Variants in ZMYM4 observed in about 807,000 individuals in gnomAD.
ZMYM4 encodes the protein zinc finger MYM-type containing 4.
A neutral mutation model predicts 183.2 loss-of-function variants in ZMYM4; 31 were observed. The observed-to-expected ratio is 0.17, with a 90% CI of 0.13 to 0.23. The LOEUF (loss-of-function observed/expected upper bound fraction) is 0.23. Among genes scored for constraint, ZMYM4 ranks in the 10% least tolerant of loss-of-function variants. The pLI, the probability that ZMYM4 is intolerant of heterozygous loss-of-function variation, is 1.00. For missense variants in ZMYM4, 1,273 were observed against 1,840.3 expected (o/e 0.69, Z 5.64); for synonymous variants, 592 against 631.2 (o/e 0.94, Z 0.93).
chr1:35,385,402 G>A (rs1473944878), intron 9 of ZMYM4, 40 bp from the exon 10 acceptor site: 3 of 1,573,808 alleles, frequency 1.9e-6, no homozygotes, highest in African/African-American at 1.4e-5. Context: ...CTTTTACTAG[G>A]AATTTGTTAA....
chr1:35,287,687 C>A (rs539061903), intron 1 of ZMYM4, among the ~76,000 whole-genome samples: 44 of 152,090 alleles, frequency 2.9e-4, no homozygotes, highest in Non-Finnish European at 6.2e-4. Context: ...CTCACTGCAA[C>A]CTCCATCTCC....
chr1:35,351,117 G>T, intron 2 of ZMYM4: 1 of 924,048 alleles, frequency 1.1e-6, no homozygotes. Flanking sequence ...CAATGTGGAA[G>T]GCAATCTTGG....
At chr1:35,377,833 A>G (rs909210789) in intron 7 of ZMYM4, among the ~76,000 whole-genome samples, 11 of 152,168 alleles carry the variant, frequency 7.2e-5, no homozygotes, top group Non-Finnish European at 1.2e-4. Flanking sequence ...TAAGATAACA[A>G]TGAAGTTTGT....
At chr1:35,319,215 A>G (rs1557992143) in intron 1 of ZMYM4, among the ~76,000 whole-genome samples, 1 of 152,190 alleles carries the variant, frequency 6.6e-6, no homozygotes, top group Non-Finnish European at 1.5e-5. Context: ...AAGTGTTTTG[A>G]CAAAAAAAGA....
At chr1:35,406,626 G>C (rs1645007189) in intron 25 of ZMYM4, among the ~76,000 whole-genome samples, 1 of 152,176 alleles carries the variant, frequency 6.6e-6, no homozygotes, top group African/African-American at 2.4e-5. Flanking sequence ...TACAGGGATG[G>C]CAACCCATTT....
At chr1:35,367,061 C>T (rs1393320727) in intron 5 of ZMYM4, among the ~76,000 whole-genome samples, 1 of 151,026 alleles carries the variant, frequency 6.6e-6, no homozygotes, top group East Asian at 1.9e-4. Flanking sequence ...AGATTTGATG[C>T]AATTCTGATG....
chr1:35,374,697 G>T (rs1039946590), intron 7 of ZMYM4, among the ~76,000 whole-genome samples: 11 of 150,118 alleles, frequency 7.3e-5, no homozygotes, highest in Admixed American at 1.3e-4. Context: ...GTCAGTCATA[G>T]ATTTTTTTTT....
chr1:35,346,975 A>G (rs539925799), intron 2 of ZMYM4, among the ~76,000 whole-genome samples: 1 of 152,320 alleles, frequency 6.6e-6, no homozygotes, highest in South Asian at 2.1e-4. Context: ...TAGGCCCTGG[A>G]TAAAATTGTT....
At chr1:35,287,362 A>T (rs1036845974) in intron 1 of ZMYM4, among the ~76,000 whole-genome samples, 1 of 151,334 alleles carries the variant, frequency 6.6e-6, no homozygotes, top group African/African-American at 2.4e-5. Context: ...CCACTGGCTT[A>T]TAGTAGTAGT....
chr1:35,365,888 G>A (rs1644065904), intron 5 of ZMYM4: 1 of 152,118 alleles, frequency 6.6e-6, no homozygotes, highest in South Asian at 2.1e-4. Flanking sequence ...ACATGATTGT[G>A]CCTTGAAGGC....
chr1:35,312,769 G>C (rs1173174146), intron 1 of ZMYM4, among the ~76,000 whole-genome samples: 1 of 142,672 alleles, frequency 7.0e-6, no homozygotes, highest in Non-Finnish European at 1.5e-5. Flanking sequence ...TGCCCAGGCT[G>C]GAGTGCAGTG....
intron 1 of ZMYM4, among the ~76,000 whole-genome samples, chr1:35,290,194 C>T (rs1640693112): frequency 6.6e-6 from 1 of 152,182 alleles, no homozygotes. Flanking sequence ...CCTTGAACTC[C>T]TGACCTCAAG....
intron 7 of ZMYM4, among the ~76,000 whole-genome samples, chr1:35,379,165 A>G (rs896910125): frequency 1.3e-5 from 2 of 152,076 alleles, no homozygotes; most frequent in East Asian, 1.9e-4. Flanking sequence ...CAGTGGCGCA[A>G]TCTCAGGTCA....
chr1:35,419,383 TCA>T lies in ZMYM4; in HGVS notation c.4440-86_4440-85del, dbSNP rs1444014438. ...TTAATTACTTTTAATGGCAAAAACC[TCA>T]GTTTACTTAAGAATAGTACATATTT... On this transcript the variant is annotated intron_variant, in intron 29 of 29. Coordinates refer to ENST00000314607, the MANE Select transcript of ZMYM4 (RefSeq NM_005095.3). 11 of 1,420,256 alleles carry T rather than the reference TCA, an allele frequency of 7.7e-6. No individual in the cohort carries two copies. In the African/African-American group the frequency reaches 1.6e-4, roughly 20 times the overall value. The allele number at this position is 1,420,256 out of a possible 1,614,324, so 88.0% of individuals were successfully genotyped here.
chr1:35,391,778 C>T (rs1181231344), intron 15 of ZMYM4, among the ~76,000 whole-genome samples: 2 of 152,218 alleles, frequency 1.3e-5, no homozygotes, highest in Non-Finnish European at 2.9e-5. Context: ...TATGGTGGCT[C>T]ATGCCTGTAA....
Position 35,286,772 on chromosome 1 carries a change from A to ATTTTTTTTT in ZMYM4, c.39+17717_39+17725dup, listed in dbSNP as rs71062872. Among the ~76,000 whole-genome samples the ATTTTTTTTT allele has an allele frequency of 1.1e-4, 5 of 46,522 alleles. 1 individual carries two copies. Among genetic ancestry groups the ATTTTTTTTT allele is most frequent in the South Asian group, 1.0e-3 (1 of 960 alleles). 30.5% of individuals were successfully genotyped at this position (46,522 alleles called of 152,430 possible). On this transcript the variant is annotated intron_variant, in intron 1 of 29. Transcript: ENST00000314607. The stretch of plus-strand genomic sequence containing the variant: ...ACCCTTGTGCCTGGCTATTTAAATA[A>ATTTTTTTTT]TTTTTTTTTTTTTTTTTTTTTTTTT...
rs892628209 is a variant in ZMYM4 at position 35,268,862 on chromosome 1, G to C, written c.-185G>C. 3 of 539,726 alleles carry C rather than the reference G, an allele frequency of 5.6e-6. No individual in the cohort carries two copies. The highest frequency in any genetic ancestry group is 8.4e-6 in the Non-Finnish European group (3 of 357,188). The allele number at this position is 539,726 out of a possible 1,614,324, so 33.4% of individuals were successfully genotyped here. A position where few individuals can be genotyped will look rare whatever the true frequency, so the allele number is the denominator to read the frequency against. On this transcript the variant is annotated 5_prime_UTR_variant, in exon 1 of 30. Transcript: ENST00000314607. The stretch of plus-strand genomic sequence containing the variant: ...CCTCCCGCCCACGCGCGGACCCGTG[G>C]GATCTCAGAAGCTGCGGCCCGGCGC...
At chr1:35,337,698 A>C (rs1340909730) in intron 2 of ZMYM4, among the ~76,000 whole-genome samples, 1 of 152,110 alleles carries the variant, frequency 6.6e-6, no homozygotes, top group Non-Finnish European at 1.5e-5. Flanking sequence ...TAATCCCAGC[A>C]CTTTGGGAGG....
chr1:35,359,518 C>A, intron 3 of ZMYM4, 72 bp downstream of exon 3: 1 of 1,365,148 alleles, frequency 7.3e-7, no homozygotes, highest in Non-Finnish European at 9.8e-7. Context: ...GCTTTTATTA[C>A]TTTTGATGTT....
Sources: gnomAD v4.1 joint callset for allele counts (sites outside exome capture counted in the v4.1 genomes callset) on GRCh38, gnomAD v4.1.1 for gene constraint, MANE v1.5 for transcripts, NCBI Gene and HGNC (gene_info 2026-07-23, HGNC 2026-07-21) for gene names.